Variants in C12orf56 observed in about 807,000 individuals in gnomAD.
C12orf56 encodes the protein uncharacterized protein C12orf56.
C12orf56 carries 71 observed loss-of-function variants against 69.9 expected under a neutral mutation model. That is an observed-to-expected ratio of 1.02 (90% CI 0.84 to 1.24). The LOEUF (loss-of-function observed/expected upper bound fraction) is 1.24, where lower values mean the gene tolerates loss of function less well. Ranked by LOEUF, C12orf56 falls within the 50% of genes most tolerant of loss-of-function variation. The probability of loss-of-function intolerance (pLI) is 0.00; values close to 1 mark genes in which losing one functional copy is unlikely to be tolerated. For synonymous variants in C12orf56, 276 were observed against 274.1 expected, an observed-to-expected ratio of 1.01 and a Z score of -0.07; for missense variants, 732 against 738.5, an observed-to-expected ratio of 0.99 and a Z score of 0.10.
chr12:64,366,921 G>C (rs185987735), intron 1 of C12orf56, among the ~76,000 whole-genome samples: 12,680 of 115,852 alleles, frequency 0.11, 1,063 homozygotes, highest in East Asian at 0.33. Context: ...ATATAACACA[G>C]TTTATATATT....
In C12orf56 at chr12:64,314,358, G is replaced by A. The variant is rs144829144; in HGVS notation, c.895-1606C>T. On this transcript the variant is annotated intron_variant, in intron 4 of 12. Transcript: ENST00000543942. ...TCCTCCCCTCTGAACCTCCCAAAGT[G>A]CTAGGATTACAGGCATAAGCCACTG... Among the ~76,000 whole-genome samples the A allele has an allele frequency of 6.2e-4, 95 of 152,262 alleles. 1 individual carries two copies. In the East Asian group the frequency reaches 0.017, roughly 27 times the overall value.
chr12:64,350,773 C>G (rs539302040), intron 2 of C12orf56, among the ~76,000 whole-genome samples: 2 of 152,304 alleles, frequency 1.3e-5, no homozygotes, highest in African/African-American at 4.8e-5. Context: ...TTCATCAAAA[C>G]CAATCTAAAA....
chr12:64,363,113 C>G (rs185422968), intron 1 of C12orf56, among the ~76,000 whole-genome samples: 1 of 152,110 alleles, frequency 6.6e-6, no homozygotes, highest in Non-Finnish European at 1.5e-5. Context: ...CCCAGTAGGT[C>G]GCAGCCTCAT....
At chr12:64,287,201 G>A (rs371855122) in intron 6 of C12orf56, among the ~76,000 whole-genome samples, 4 of 144,362 alleles carry the variant, frequency 2.8e-5, no homozygotes, top group Non-Finnish European at 4.5e-5. Context: ...CTGGGATTGC[G>A]CCACTGCACT....
chr12:64,329,996 T>A (rs1218115198), intron 3 of C12orf56, among the ~76,000 whole-genome samples: 1 of 152,252 alleles, frequency 6.6e-6, no homozygotes, highest in Admixed American at 6.5e-5. Flanking sequence ...TACGTGTGCA[T>A]GTGTCTTTAT....
At chr12:64,332,809 G>A (rs77768041) in intron 2 of C12orf56, among the ~76,000 whole-genome samples, 68 of 152,280 alleles carry the variant, frequency 4.5e-4, no homozygotes, top group African/African-American at 1.6e-3. Context: ...TGGACCCTAG[G>A]AGGAGGTCCT....
At chr12:64,326,248 A>C (rs73311828) in intron 3 of C12orf56, among the ~76,000 whole-genome samples, 4,699 of 152,204 alleles carry the variant, frequency 0.031, 241 homozygotes, top group African/African-American at 0.11. Context: ...GATTGTGGTA[A>C]TGGTTTCATG....
intron 5 of C12orf56, among the ~76,000 whole-genome samples, chr12:64,308,895 A>G (rs1477960394): frequency 1.7e-5 from 1 of 59,882 alleles, no homozygotes; most frequent in Non-Finnish European, 3.2e-5. Flanking sequence ...AAAGGAAGAA[A>G]GAAAGAAAGA....
At chr12:64,335,177 G>T (rs1161858276) in intron 2 of C12orf56, among the ~76,000 whole-genome samples, 1 of 152,160 alleles carries the variant, frequency 6.6e-6, no homozygotes, top group Non-Finnish European at 1.5e-5. Context: ...AGCACTTTGG[G>T]AGGCCGAGGT....
intron 1 of C12orf56, among the ~76,000 whole-genome samples, chr12:64,383,134 T>C (rs926717885): frequency 2.6e-5 from 4 of 151,666 alleles, no homozygotes; most frequent in African/African-American, 9.7e-5. Flanking sequence ...CTGGGAAACA[T>C]AGCAAAACTC....
chr12:64,270,972 C>T (rs967034624), intron 11 of C12orf56, among the ~76,000 whole-genome samples: 2 of 151,876 alleles, frequency 1.3e-5, no homozygotes, highest in African/African-American at 4.8e-5. Context: ...TCGAGATCAG[C>T]CTGACCAACA....
chr12:64,352,575 T>C (rs570365654), intron 2 of C12orf56, among the ~76,000 whole-genome samples: 2 of 152,216 alleles, frequency 1.3e-5, no homozygotes, highest in South Asian at 4.2e-4. Flanking sequence ...GAGAGTAGGG[T>C]TAGAGCCACC....
At chr12:64,276,584 T>G (rs1430622757) in intron 9 of C12orf56, among the ~76,000 whole-genome samples, 1 of 152,182 alleles carries the variant, frequency 6.6e-6, no homozygotes, top group Non-Finnish European at 1.5e-5. Flanking sequence ...TTGAATAATG[T>G]CTGTCTCTCC....
chr12:64,330,967 G>A lies in C12orf56; in HGVS notation c.481C>T (p.Pro161Ser). ...TCCAAACAACAATCTCACCTGAGAG[G>A]AGATTCTTTCAGACTTCTGGACTCT... ...SKESRSLKES[P>S]LRDQQESSTP... Residue 161 changes from proline to serine, a missense_variant, in exon 3 of 13, where the codon CCT (proline) becomes TCT (serine). Coordinates refer to ENST00000543942, the MANE Select transcript of C12orf56 (RefSeq NM_001170633.2). 6.4e-7 allele frequency: 1 copy of A among 1,554,122 alleles called. No homozygotes were observed. The highest frequency in any genetic ancestry group is 8.7e-7 in the Non-Finnish European group (1 of 1,147,840).
intron 4 of C12orf56, among the ~76,000 whole-genome samples, chr12:64,315,232 T>C (rs1313089046): frequency 6.6e-6 from 1 of 151,792 alleles, no homozygotes; most frequent in East Asian, 1.9e-4. Context: ...GTGCTTAATA[T>C]CAGAGTGGTG....
At chr12:64,363,216 G>T (rs575646124) in intron 1 of C12orf56, among the ~76,000 whole-genome samples, 60 of 152,246 alleles carry the variant, frequency 3.9e-4, no homozygotes, top group African/African-American at 1.4e-3. Context: ...GGAACCAAGT[G>T]ATGCACCAGC....
chr12:64,349,360 C>CAAA (rs1261589614), intron 2 of C12orf56, among the ~76,000 whole-genome samples: 19 of 152,260 alleles, frequency 1.2e-4, no homozygotes, highest in South Asian at 1.0e-3. Flanking sequence ...ATCAAAAAAT[C>CAAA]AATAGATGCT....
intron 6 of C12orf56, among the ~76,000 whole-genome samples, chr12:64,298,086 C>T (rs2038392236): frequency 6.6e-6 from 1 of 152,068 alleles, no homozygotes; most frequent in Admixed American, 6.6e-5. Flanking sequence ...TTCTAACTGG[C>T]ATGAGATGGT....
chr12:64,286,644 T>C (rs939458116), intron 6 of C12orf56, among the ~76,000 whole-genome samples: 2 of 152,170 alleles, frequency 1.3e-5, no homozygotes, highest in Non-Finnish European at 2.9e-5. Flanking sequence ...TCCAGTCTCA[T>C]GAGAAATCAA....
Sources: allele counts gnomAD v4.1 joint callset (sites outside exome capture counted in the v4.1 genomes callset), GRCh38; gene constraint gnomAD v4.1.1; transcripts MANE v1.5; gene names NCBI Gene and HGNC (gene_info 2026-07-23, HGNC 2026-07-21).